RANBP2: variants seen among roughly 807,000 people sequenced by gnomAD.
The protein encoded by RANBP2 is RAN binding protein 2, also known as E3 SUMO-protein ligase RanBP2.
In RANBP2, 57 loss-of-function variants were observed where a neutral mutation model predicts 303.6. The ratio of observed to expected loss-of-function variants is 0.19; its 90% CI spans 0.15 to 0.23. RANBP2 has a LOEUF of 0.23. Among genes scored for constraint, RANBP2 ranks in the 10% least tolerant of loss-of-function variants. The pLI is 1.00. For synonymous variants in RANBP2, 1,167 were observed against 1,301.5 expected, an observed-to-expected ratio of 0.90 and a Z score of 2.23; for missense variants, 3,138 against 3,780.8, an observed-to-expected ratio of 0.83 and a Z score of 4.46.
At chr2:109,059,925 C>T in the RANBP2 span, among the ~76,000 whole-genome samples, 4 of 152,136 alleles carry the variant, frequency 2.6e-5, no homozygotes, top group Non-Finnish European at 5.9e-5. Flanking sequence ...GTGTGGTTGT[C>T]GTATCCTAAC....
chr2:108,800,766 A>G, the RANBP2 span, among the ~76,000 whole-genome samples: 2 of 115,850 alleles, frequency 1.7e-5, no homozygotes. Flanking sequence ...TCCCAATGCT[A>G]TCCCTCCCCA....
the RANBP2 span, among the ~76,000 whole-genome samples, chr2:109,391,293 C>G: frequency 1.3e-5 from 2 of 152,342 alleles, no homozygotes; most frequent in African/African-American, 4.8e-5. Flanking sequence ...AGCAGCCTGA[C>G]CTGTATGCTT....
chr2:109,332,156 C>T, the RANBP2 span, among the ~76,000 whole-genome samples: 20 of 152,166 alleles, frequency 1.3e-4, no homozygotes, highest in Non-Finnish European at 2.6e-4. Flanking sequence ...GCGCTTTACC[C>T]ATGAGAGGGA....
At chr2:109,032,715 C>T in the RANBP2 span, among the ~76,000 whole-genome samples, 3 of 152,172 alleles carry the variant, frequency 2.0e-5, no homozygotes, top group East Asian at 5.8e-4. Context: ...AATGAAACTC[C>T]TGTAGCAACT....
chr2:109,584,296 G>A, the RANBP2 span, among the ~76,000 whole-genome samples: 1 of 30,368 alleles, frequency 3.3e-5, no homozygotes, highest in Non-Finnish European at 7.4e-5. Context: ...GGCCAACAAG[G>A]TGAAACCCGT....
chr2:109,071,343 C>T, the RANBP2 span, among the ~76,000 whole-genome samples: 1 of 152,194 alleles, frequency 6.6e-6, no homozygotes, highest in Non-Finnish European at 1.5e-5. Context: ...ATCAACAATT[C>T]TGTCTTGCAT....
At chr2:109,656,075 CCT>C in the RANBP2 span, among the ~76,000 whole-genome samples, 1 of 152,122 alleles carries the variant, frequency 6.6e-6, no homozygotes, top group Non-Finnish European at 1.5e-5. Context: ...AGGGGAGTCC[CCT>C]CTCTTCCCTG....
At chr2:109,283,617 G>A in the RANBP2 span, among the ~76,000 whole-genome samples, 32 of 152,314 alleles carry the variant, frequency 2.1e-4, 1 homozygote, top group Non-Finnish European at 1.0e-4. Context: ...GAGGGAGAGC[G>A]CTGCAGGGAG....
chr2:109,512,736 C>A, the RANBP2 span, among the ~76,000 whole-genome samples: 2 of 152,252 alleles, frequency 1.3e-5, no homozygotes, highest in Admixed American at 1.3e-4. Flanking sequence ...CTTTGACTTT[C>A]CCCCTCCCAG....
the RANBP2 span, among the ~76,000 whole-genome samples, chr2:109,071,655 C>T: frequency 8.2e-5 from 12 of 146,208 alleles, no homozygotes; most frequent in Non-Finnish European, 1.8e-4. Flanking sequence ...GCAAGGGTGA[C>T]AAAGCAAGAC....
At chr2:109,119,547 T>C in the RANBP2 span, among the ~76,000 whole-genome samples, 1 of 152,244 alleles carries the variant, frequency 6.6e-6, no homozygotes, top group East Asian at 1.9e-4. Context: ...TTTTCATTCA[T>C]TCGCTCATGA....
chr2:109,186,761 T>A, the RANBP2 span, among the ~76,000 whole-genome samples: 1 of 152,118 alleles, frequency 6.6e-6, no homozygotes, highest in Admixed American at 6.5e-5. Context: ...GGGCAGCATG[T>A]GGGAATGCAG....
At chr2:109,619,688 C>A in the RANBP2 span, among the ~76,000 whole-genome samples, 1 of 152,142 alleles carries the variant, frequency 6.6e-6, no homozygotes, top group African/African-American at 2.4e-5. Context: ...AGAATAACTT[C>A]TTTCCTTAGA....
chr2:109,082,737 G>A, the RANBP2 span, among the ~76,000 whole-genome samples: 5 of 152,140 alleles, frequency 3.3e-5, no homozygotes, highest in East Asian at 1.9e-4. Flanking sequence ...ACTCTGTGAG[G>A]TTGGGAGTTG....
chr2:109,428,332 A>G, the RANBP2 span, among the ~76,000 whole-genome samples: 7 of 152,388 alleles, frequency 4.6e-5, no homozygotes, highest in African/African-American at 1.7e-4. Flanking sequence ...TCTGCAGACA[A>G]TTAGCAGCAA....
At chr2:109,085,735 G>C in the RANBP2 span, among the ~76,000 whole-genome samples, 1 of 151,836 alleles carries the variant, frequency 6.6e-6, no homozygotes, top group Non-Finnish European at 1.5e-5. Flanking sequence ...CAAGTAGCTG[G>C]GATTACAGGC....
the RANBP2 span, among the ~76,000 whole-genome samples, chr2:108,917,037 G>T: frequency 1.3e-5 from 2 of 152,246 alleles, no homozygotes; most frequent in African/African-American, 2.4e-5. Flanking sequence ...CGGCAATAAG[G>T]AATGGAGCTG....
the RANBP2 span, among the ~76,000 whole-genome samples, chr2:108,977,957 G>A: frequency 9.5e-4 from 144 of 152,320 alleles, no homozygotes; most frequent in African/African-American, 3.3e-3. Flanking sequence ...TGGACTCTGT[G>A]GATGCAGATG....
chr2:109,336,095 G>A, the RANBP2 span, among the ~76,000 whole-genome samples: 97 of 152,314 alleles, frequency 6.4e-4, no homozygotes, highest in Middle Eastern at 3.4e-3. Context: ...GGCAGGCCTA[G>A]TAAGCTCTTT....
Sources: allele counts gnomAD v4.1 joint callset (sites outside exome capture counted in the v4.1 genomes callset), GRCh38; gene constraint gnomAD v4.1.1; transcripts MANE v1.5; gene names NCBI Gene and HGNC (gene_info 2026-07-23, HGNC 2026-07-21).